C9orf78: variants seen among roughly 807,000 people sequenced by gnomAD.
C9orf78 encodes the protein splicing factor C9orf78.
In C9orf78, 19 loss-of-function variants were observed where a neutral mutation model predicts 37.4. The observed-to-expected ratio is 0.51, with a 90% CI of 0.35 to 0.74. C9orf78 has a LOEUF of 0.74. C9orf78 is among the 30% of genes least tolerant of loss of function. C9orf78 has a pLI of 0.01. For missense variants in C9orf78, 291 were observed against 370.8 expected (o/e 0.78, Z 1.77); for synonymous variants, 130 against 128.0 (o/e 1.02, Z -0.10).
At chr9:129,834,113 A>G (rs1264180923) in intron 2 of C9orf78, 2 of 232,192 alleles carry the variant, frequency 8.6e-6, no homozygotes, top group African/African-American at 4.6e-5. Context: ...TTGTTAACAA[A>G]TTACAATACA....
intron 4 of C9orf78, among the ~76,000 whole-genome samples, chr9:129,832,958 TAC>T (rs1158530132): frequency 2.6e-5 from 4 of 151,792 alleles, no homozygotes; most frequent in African/African-American, 7.3e-5. Context: ...CCCAGATATA[TAC>T]ACACACATAT....
chr9:129,832,995 A>ATG (rs1185238622), intron 4 of C9orf78, among the ~76,000 whole-genome samples: 5 of 141,450 alleles, frequency 3.5e-5, no homozygotes, highest in Admixed American at 7.1e-5. Flanking sequence ...GTATATATAT[A>ATG]TATGTGTGTG....
chr9:129,828,945 T>TA, intron 8 of C9orf78: 1 of 553,722 alleles, frequency 1.8e-6, no homozygotes, highest in Non-Finnish European at 3.3e-6. Flanking sequence ...TCTAACTTCT[T>TA]GAGTCTCTAC....
Position 129,827,783 on chromosome 9 carries a change from CTT to C in C9orf78, c.*376_*377del, listed in dbSNP as rs56021512. The C allele has an allele frequency of 5.3e-5, 6 of 112,584 alleles. No individual in the cohort carries two copies. Among genetic ancestry groups the C allele is most frequent in the East Asian group, 2.6e-4 (1 of 3,790 alleles). 7.0% of individuals were successfully genotyped at this position (112,584 alleles called of 1,614,324 possible). ...TGTCCTGGAAGCCATTTTTCTTTTT[CTT>C]TTTTTTTTTTTTTTTTTTTTTTGAG... On this transcript the variant is annotated 3_prime_UTR_variant, in exon 9 of 9. Coordinates refer to ENST00000372447, the MANE Select transcript of C9orf78 (RefSeq NM_016520.3).
Position 129,835,198 on chromosome 9 carries a change from G to C in C9orf78, c.24C>G (p.Phe8Leu), listed in dbSNP as rs1564190209. ...ACTCCGAGTCGCCCCGGCGGCGACGGAAAATCTTCCGGACGACCGGCATGG... is the reference window on the plus strand; with the variant it reads ...ACTCCGAGTCGCCCCGGCGGCGACGCAAAATCTTCCGGACGACCGGCATGG... MPVVRKIFRRRRGDSESE... is the reference protein window; with the variant it reads MPVVRKILRRRRGDSESE... Residue 8 changes from phenylalanine (F) to leucine (L), a missense_variant, in exon 1 of 9, where the codon TTC (phenylalanine) becomes TTG (leucine). By Grantham distance (22) the Phe-to-Leu change is conservative. Around this residue, in one of 3 missense-constraint regions of C9orf78, gnomAD observed 158 missense variants for 174.8 expected, o/e 0.90. Coordinates refer to ENST00000372447, the MANE Select transcript of C9orf78 (RefSeq NM_016520.3). 35 of 1,610,408 alleles carry C rather than the reference G, an allele frequency of 2.2e-5. No individual in the cohort carries two copies. The highest frequency in any genetic ancestry group is 5.4e-5 in the African/African-American group (4 of 74,508).
chr9:129,829,369 G>A, intron 7 of C9orf78, 36 bp downstream of exon 7: 1 of 1,606,036 alleles, frequency 6.2e-7, no homozygotes, highest in Non-Finnish European at 8.5e-7. Context: ...GCCCAAATAG[G>A]GGAATGGGGG....
At position 129,828,056 on chromosome 9, in the gene C9orf78, G is replaced by A. The variant is rs2031387110; in HGVS notation, c.*105C>T. 11 of 640,928 alleles carry A rather than the reference G, an allele frequency of 1.7e-5. No individual in the cohort carries two copies. Among genetic ancestry groups the A allele is most frequent in the South Asian group, 1.4e-4 (10 of 69,450 alleles). The allele number at this position is 640,928 out of a possible 1,614,324, so 39.7% of individuals were successfully genotyped here. On this transcript the variant is annotated 3_prime_UTR_variant, in exon 9 of 9. Transcript: ENST00000372447. Reference sequence around the variant, plus strand: ...GATCCGCCCACCTCGGCCTCCCAAAGTGCTGGGATTACAGGCAGGAGCCAC... The same window carrying A: ...GATCCGCCCACCTCGGCCTCCCAAAATGCTGGGATTACAGGCAGGAGCCAC...
intron 2 of C9orf78, chr9:129,834,487 T>A: frequency 2.1e-6 from 1 of 480,128 alleles, no homozygotes. Context: ...GAGTTAGTGA[T>A]CTGTTTCTGT....
chr9:129,833,336 G>C, intron 4 of C9orf78, 111 bp downstream of exon 4: 1 of 698,602 alleles, frequency 1.4e-6, no homozygotes, highest in East Asian at 2.5e-5. Context: ...CACAAAACCT[G>C]CTTCAAGATG....
chr9:129,832,400 T>C (rs2031523904), intron 4 of C9orf78, among the ~76,000 whole-genome samples: 1 of 152,328 alleles, frequency 6.6e-6, no homozygotes, highest in East Asian at 1.9e-4. Flanking sequence ...AAGTACACAG[T>C]AAACTTTTAT....
At chr9:129,833,126 G>A (rs2031554002) in intron 4 of C9orf78, among the ~76,000 whole-genome samples, 1 of 142,278 alleles carries the variant, frequency 7.0e-6, no homozygotes, top group African/African-American at 2.6e-5. Context: ...TGTAGAGACA[G>A]GGGTCTCACT....
At chr9:129,831,509 CT>C in intron 5 of C9orf78, 1 of 242,564 alleles carries the variant, frequency 4.1e-6, no homozygotes, top group Non-Finnish European at 8.1e-6. Flanking sequence ...GCCGCAAGCT[CT>C]GCCTCCCAGG....
chr9:129,832,507 C>G (rs927704074), intron 4 of C9orf78, among the ~76,000 whole-genome samples: 1 of 152,064 alleles, frequency 6.6e-6, no homozygotes, highest in Non-Finnish European at 1.5e-5. Flanking sequence ...GGCGCAATCT[C>G]AGCTCACTGC....
chr9:129,833,588 C>G (rs772942283), intron 3 of C9orf78, 70 bp downstream of exon 3: 1 of 1,438,412 alleles, frequency 7.0e-7, no homozygotes, highest in African/African-American at 1.4e-5. Context: ...TTTTGTGAAG[C>G]ACGCTCACTC....
chr9:129,828,324 CA>C, intron 8 of C9orf78, 72 bp from the exon 9 acceptor site: 1 of 883,834 alleles, frequency 1.1e-6, no homozygotes, highest in East Asian at 2.5e-5. Flanking sequence ...TCCATGCAGG[CA>C]AAGACAACTG....
At position 129,829,630 on chromosome 9, in the gene C9orf78, A is replaced by C. The variant is rs977260447; in HGVS notation, c.543-89T>G. 1.0e-5 allele frequency: 12 copies of C among 1,178,462 alleles called. No individual in the cohort carries two copies. The South Asian group carries it at 1.4e-4, about 14-fold the overall frequency. The allele number at this position is 1,178,462 out of a possible 1,614,324, so 73.0% of individuals were successfully genotyped here. A position where few individuals can be genotyped will look rare whatever the true frequency, so the allele number is the denominator to read the frequency against. On this transcript the variant is annotated intron_variant, in intron 6 of 8. Coordinates refer to ENST00000372447, the MANE Select transcript of C9orf78 (RefSeq NM_016520.3). ...GGTGAGGCTGGCAGCCCAGCAGTAC[A>C]TAAGAAAATCATGTGTCCTGGGGCA... is the stretch of plus-strand genomic sequence containing the variant.
rs774134556 is a variant in C9orf78 at position 129,833,455 on chromosome 9, G to T, written c.258C>A (p.Gly86=). Residue 86 remains glycine, a synonymous_variant, in exon 4 of 9, where the codon GGC becomes GGA. Transcript: ENST00000372447. The part of the protein sequence containing the change: ...MVDMKKLKER[G]KDKISEEEDL... Reference sequence around the variant, plus strand: ...GCTTGTCCTGAACTTACTTATCTTTGCCCCTTTCCTTCAGTTTCTTCATAT... The same window carrying T: ...GCTTGTCCTGAACTTACTTATCTTTTCCCCTTTCCTTCAGTTTCTTCATAT... The T allele has an allele frequency of 1.9e-6, 3 of 1,587,716 alleles. No individual in the cohort carries two copies. Among genetic ancestry groups the T allele is most frequent in the Non-Finnish European group, 2.6e-6 (3 of 1,156,002 alleles).
chr9:129,834,536 A>G, intron 2 of C9orf78, 171 bp downstream of exon 2: 1 of 621,028 alleles, frequency 1.6e-6, no homozygotes, highest in Non-Finnish European at 2.9e-6. Flanking sequence ...AGCTCAGGGC[A>G]TGTCCTGGTT....
In C9orf78 at chr9:129,834,715, G is replaced by T; in HGVS notation, c.135C>A (p.Asn45Lys). Residue 45 changes from asparagine (N) to lysine (K), a missense_variant, in exon 2 of 9, where the codon AAC (asparagine) becomes AAA (lysine). Physicochemically the swap from Asn to Lys is moderately conservative, Grantham distance 94 (BLOSUM62 0). Transcript: ENST00000372447. ...REVQNLRKRP[N>K]GVSAVALLVG... is the part of the protein sequence containing the mutation. Reference sequence around the variant, plus strand: ...CCCCGCGTGGTACCCACCTCACCCCGTTGGGCCTCTTCCTCAAGTTCTGTA... The same window carrying T: ...CCCCGCGTGGTACCCACCTCACCCCTTTGGGCCTCTTCCTCAAGTTCTGTA... 1.9e-6 allele frequency: 3 copies of T among 1,610,918 alleles called. No individual in the cohort carries two copies. The highest frequency in any genetic ancestry group is 2.5e-6 in the Non-Finnish European group (3 of 1,177,676).
Sources: gnomAD v4.1 joint callset for allele counts (sites outside exome capture counted in the v4.1 genomes callset) on GRCh38, gnomAD v4.1.1 for gene constraint, gnomAD v4.1.1 regional missense constraint, MANE v1.5 for transcripts, NCBI Gene and HGNC (gene_info 2026-07-23, HGNC 2026-07-21) for gene names.